CTPS2: variants seen among roughly 807,000 people sequenced by gnomAD.
The protein encoded by CTPS2 is CTP synthase II.
In CTPS2, 19 loss-of-function variants were observed where a neutral mutation model predicts 46.8. The ratio of observed to expected loss-of-function variants is 0.41; its 90% CI spans 0.28 to 0.60. The LOEUF is 0.60. Among genes scored for constraint, CTPS2 ranks in the 20% least tolerant of loss-of-function variants. The probability of loss-of-function intolerance (pLI) is 0.35; values close to 1 mark genes in which losing one functional copy is unlikely to be tolerated. For synonymous variants in CTPS2, 151 were observed against 165.2 expected (o/e 0.91, Z 0.66); for missense variants, 286 against 447.6 (o/e 0.64, Z 3.26).
At chrX:16,622,263 G>A (rs887214142) in intron 14 of CTPS2, among the ~76,000 whole-genome samples, 4 of 108,584 alleles carry the variant, frequency 3.7e-5, no homozygotes, top group African/African-American at 1.3e-4. Flanking sequence ...TTAGCCCAGC[G>A]TGGTGGTGCG....
At chrX:16,628,697 A>G (rs1157188645) in intron 14 of CTPS2, among the ~76,000 whole-genome samples, 1 of 111,794 alleles carries the variant, frequency 8.9e-6, no homozygotes, top group Non-Finnish European at 1.9e-5. Flanking sequence ...TCCATTTAGT[A>G]TTCTTACCTC....
chrX:16,711,676 T>C (rs1311878331), intron 1 of CTPS2: 1 of 111,310 alleles, frequency 9.0e-6, no homozygotes. Flanking sequence ...GGATAATGGT[T>C]ACAGGAGTGT....
chrX:16,649,514 C>G (rs1024542521), intron 13 of CTPS2, among the ~76,000 whole-genome samples: 22 of 112,001 alleles, frequency 2.0e-4, no homozygotes, highest in Non-Finnish European at 1.9e-5. Context: ...TTTTTACAGA[C>G]AGGATCTCAC....
intron 14 of CTPS2, among the ~76,000 whole-genome samples, chrX:16,630,180 C>T (rs974479519): frequency 2.1e-4 from 23 of 110,486 alleles, no homozygotes; most frequent in Admixed American, 1.2e-3. Context: ...CGGAAATCAC[C>T]AGGTCCTAGT....
intron 17 of CTPS2, among the ~76,000 whole-genome samples, chrX:16,601,298 C>T (rs1929642588): frequency 9.0e-6 from 1 of 110,995 alleles, no homozygotes; most frequent in South Asian, 3.8e-4. Context: ...GAAATGCACC[C>T]TCTGTGAACA....
intron 2 of CTPS2, among the ~76,000 whole-genome samples, chrX:16,700,818 A>G (rs963375985): frequency 1.8e-5 from 2 of 111,601 alleles, no homozygotes; most frequent in Admixed American, 1.9e-4. Flanking sequence ...GGGCAGAAGC[A>G]CAAGACAGAC....
intron 17 of CTPS2, among the ~76,000 whole-genome samples, chrX:16,596,099 C>A (rs1317554491): frequency 1.8e-5 from 2 of 111,533 alleles, no homozygotes; most frequent in Non-Finnish European, 3.8e-5. Flanking sequence ...GCCTAGAACT[C>A]CTGGACTGAA....
chrX:16,651,012 T>C (rs1932594486), intron 13 of CTPS2: 2 of 1,203,895 alleles, frequency 1.7e-6, no homozygotes, highest in Non-Finnish European at 2.2e-6. Context: ...CCAGAATGAG[T>C]ACTAAAAAGT....
chrX:16,603,891 C>A (rs1170587373), intron 17 of CTPS2, among the ~76,000 whole-genome samples: 1 of 111,231 alleles, frequency 9.0e-6, no homozygotes, highest in Non-Finnish European at 1.9e-5. Context: ...TTCCTTCTCA[C>A]CCTGACTGTT....
At chrX:16,639,819 A>T (rs1254572329) in intron 13 of CTPS2, among the ~76,000 whole-genome samples, 2 of 109,984 alleles carry the variant, frequency 1.8e-5, no homozygotes, top group African/African-American at 6.6e-5. Context: ...GAAAGAAAGA[A>T]AGAAAGAAAG....
At chrX:16,638,328 C>T (rs1931870695) in intron 14 of CTPS2, among the ~76,000 whole-genome samples, 1 of 109,076 alleles carries the variant, frequency 9.2e-6, no homozygotes, top group South Asian at 4.0e-4. Flanking sequence ...ACGAAAATGA[C>T]ACTGAACACT....
At chrX:16,599,929 C>A (rs1929558066) in intron 17 of CTPS2, among the ~76,000 whole-genome samples, 2 of 108,977 alleles carry the variant, frequency 1.8e-5, no homozygotes, top group Non-Finnish European at 3.8e-5. Flanking sequence ...CAGGAATGCA[C>A]CACCATGCCC....
chrX:16,639,777 A>AAAAAGAAAG (rs781289686), intron 13 of CTPS2, among the ~76,000 whole-genome samples: 3,237 of 72,610 alleles, frequency 0.045, 90 homozygotes, highest in Middle Eastern at 0.062. Context: ...AAAGGAAAAG[A>AAAAAGAAAG]AAAGAAAGAA....
chrX:16,617,233 A>G lies in CTPS2; in HGVS notation c.1463T>C (p.Leu488Pro). 1 of 1,205,510 alleles carries G rather than the reference A, an allele frequency of 8.3e-7. No individual in the cohort carries two copies. The highest frequency in any genetic ancestry group is 1.1e-6 in the Non-Finnish European group (1 of 891,439). The change falls in exon 16 of 19, where the codon CTG (leucine) becomes CCG (proline). Residue 488 changes from leucine to proline, a missense_variant. Transcript: ENST00000359276. ...HRHRFEVNPN[L>P]IKQFEQNDLS... is the part of the protein sequence containing the mutation. ...GTCATTCTGCTCAAATTGTTTGATC[A>G]GGTTAGGGTTTACCTGCAAAACAAG...
chrX:16,689,264 G>A (rs1923495498), intron 8 of CTPS2, among the ~76,000 whole-genome samples, 186 bp downstream of exon 8: 1 of 111,342 alleles, frequency 9.0e-6, no homozygotes. Flanking sequence ...AAAATCAAAG[G>A]CTCCAGAAAT....
chrX:16,701,667 T>C (rs1924573752), intron 2 of CTPS2, among the ~76,000 whole-genome samples: 1 of 108,328 alleles, frequency 9.2e-6, no homozygotes, highest in African/African-American at 3.3e-5. Flanking sequence ...AGTGGCGCAA[T>C]CTCGGCTCAC....
At chrX:16,592,978 C>CT (rs1401844507) in intron 17 of CTPS2, among the ~76,000 whole-genome samples, 2 of 111,351 alleles carry the variant, frequency 1.8e-5, no homozygotes, top group Admixed American at 9.5e-5. Flanking sequence ...GCTGTGGGGT[C>CT]TGTTTGTGGT....
At chrX:16,652,513 G>C (rs765723519) in intron 13 of CTPS2, among the ~76,000 whole-genome samples, 2 of 111,954 alleles carry the variant, frequency 1.8e-5, no homozygotes, top group Admixed American at 9.5e-5. Context: ...AGCAGAAAAA[G>C]GGACTTTTTA....
intron 9 of CTPS2, 30 bp from the exon 10 acceptor site, chrX:16,678,480 A>G: frequency 1.0e-6 from 1 of 967,731 alleles, no homozygotes; most frequent in Non-Finnish European, 1.5e-6. Flanking sequence ...TAAAAGGAGT[A>G]TTTAAGAAAA....
Sources: allele counts gnomAD v4.1 joint callset (sites outside exome capture counted in the v4.1 genomes callset), GRCh38; gene constraint gnomAD v4.1.1; transcripts MANE v1.5; gene names NCBI Gene and HGNC (gene_info 2026-07-23, HGNC 2026-07-21).